Variants in CCM2 observed in about 807,000 individuals in gnomAD.
CCM2 encodes cerebral cavernous malformations 2 protein.
In CCM2, 25 loss-of-function variants were observed where a neutral mutation model predicts 44.9. The observed-to-expected ratio is 0.56, with a 90% CI of 0.41 to 0.78. CCM2 has a LOEUF of 0.78. CCM2 is among the 30% of genes least tolerant of loss of function. CCM2 has a pLI of 0.00. For synonymous variants in CCM2, 219 were observed against 241.1 expected (o/e 0.91, Z 0.85); for missense variants, 481 against 580.6 (o/e 0.83, Z 1.76).
chr7:45,059,516 G>A (rs1478639492), intron 2 of CCM2, among the ~76,000 whole-genome samples: 4 of 152,064 alleles, frequency 2.6e-5, no homozygotes, highest in African/African-American at 4.8e-5. Context: ...AGGCCGAGGC[G>A]GGCGGATTGA....
chr7:45,010,310 C>T (rs1796017540), intron 1 of CCM2, among the ~76,000 whole-genome samples: 1 of 152,202 alleles, frequency 6.6e-6, no homozygotes, highest in African/African-American at 2.4e-5. Flanking sequence ...TACCTACCAT[C>T]ACTGAGAAAA....
chr7:45,049,042 A>G (rs1486519311), intron 2 of CCM2, among the ~76,000 whole-genome samples: 2 of 152,162 alleles, frequency 1.3e-5, no homozygotes, highest in Non-Finnish European at 1.5e-5. Flanking sequence ...TGCAGCTTCA[A>G]CTTCCCTGGG....
intron 6 of CCM2, chr7:45,071,222 T>C (rs1185335184): frequency 6.6e-6 from 1 of 152,510 alleles, no homozygotes; most frequent in African/African-American, 2.4e-5. Context: ...GAGCTGTAAT[T>C]AAACATTCAG....
chr7:45,006,215 GCACCTTCTC>G (rs1718506224), intron 1 of CCM2, among the ~76,000 whole-genome samples: 1 of 152,144 alleles, frequency 6.6e-6, no homozygotes, highest in South Asian at 2.1e-4. Context: ...AGTTTCATGT[GCACCTTCTC>G]CTCATTCCTG....
At chr7:45,023,787 G>GTTTTTTTTTTTTTTT (rs10596429) in intron 1 of CCM2, among the ~76,000 whole-genome samples, 11 of 58,614 alleles carry the variant, frequency 1.9e-4, no homozygotes, top group Non-Finnish European at 2.7e-4. Flanking sequence ...CTCTGTATCA[G>GTTTTTTTTTTTTTTT]TTTTTTTTTT....
rs1784261920 is a variant in CCM2, at chr7:45,076,317, G to A, written c.*260G>A. 1 of 660,072 alleles carries A rather than the reference G, an allele frequency of 1.5e-6. No individual in the cohort carries two copies. Among genetic ancestry groups the A allele is most frequent in the Non-Finnish European group, 2.8e-6 (1 of 360,186 alleles). 40.9% of individuals were successfully genotyped at this position (660,072 alleles called of 1,614,324 possible). A position where few individuals can be genotyped will look rare whatever the true frequency, so the allele number is the denominator to read the frequency against. On this transcript the variant is annotated 3_prime_UTR_variant, in exon 10 of 10. Coordinates refer to ENST00000258781, the MANE Select transcript of CCM2 (RefSeq NM_031443.4). The stretch of plus-strand genomic sequence containing the variant: ...GCCCTGCAGTGTGTCCCCGCTCGGG[G>A]AGGGCCCGGCCGAGCGGGCAGGGAG...
At position 45,074,281 on chromosome 7, in the gene CCM2, G is replaced by A; in HGVS notation, c.927G>A (p.Lys309=). The A allele has an allele frequency of 6.2e-7, 1 of 1,613,626 alleles. No homozygotes were observed. The highest frequency in any genetic ancestry group is 8.5e-7 in the Non-Finnish European group (1 of 1,180,024). ...CTGCTCTCTTGCAGCTGCGCACCAA[G>A]CTGTCATCACAGGAGATCCAGCAGT... is the stretch of plus-strand genomic sequence containing the variant. ...LQDYMLTLRT[K]LSSQEIQQFA... is the part of the protein sequence containing the mutation. Residue 309 remains lysine (K), a synonymous_variant, in exon 9 of 10, where the codon AAG becomes AAA. Coordinates refer to ENST00000258781, the MANE Select transcript of CCM2 (RefSeq NM_031443.4).
At chr7:45,069,425 T>G (rs1004565613) in intron 5 of CCM2, among the ~76,000 whole-genome samples, 1 of 152,204 alleles carries the variant, frequency 6.6e-6, no homozygotes, top group African/African-American at 2.4e-5. Flanking sequence ...ATAAAACTGT[T>G]TTATAGCTGT....
At chr7:45,030,853 A>AGCTGG (rs1401274166) in intron 1 of CCM2, among the ~76,000 whole-genome samples, 1 of 152,058 alleles carries the variant, frequency 6.6e-6, no homozygotes, top group Non-Finnish European at 1.5e-5. Context: ...CCTCCCGAGT[A>AGCTGG]GCTGGGACTA....
At chr7:45,005,316 T>C (rs1282782289) in intron 1 of CCM2, among the ~76,000 whole-genome samples, 1 of 152,246 alleles carries the variant, frequency 6.6e-6, no homozygotes, top group Non-Finnish European at 1.5e-5. Flanking sequence ...TTTCAACATA[T>C]TGTCAGATTC....
At chr7:45,023,787 G>GTTTTTTTTTTTTTTTTTT (rs10596429) in intron 1 of CCM2, among the ~76,000 whole-genome samples, 2 of 58,614 alleles carry the variant, frequency 3.4e-5, no homozygotes, top group Non-Finnish European at 5.9e-5. Context: ...CTCTGTATCA[G>GTTTTTTTTTTTTTTTTTT]TTTTTTTTTT....
rs1000120007 is a variant in CCM2, at chr7:45,075,818, G to C, written c.1096G>C (p.Glu366Gln). The C allele has an allele frequency of 1.9e-6, 3 of 1,613,752 alleles. No individual in the cohort carries two copies. The highest frequency in any genetic ancestry group is 2.5e-6 in the Non-Finnish European group (3 of 1,180,014). Residue 366 changes from glutamate (E) to glutamine (Q), a missense_variant, in exon 10 of 10, where the codon GAG becomes CAG. Coordinates refer to ENST00000258781, the MANE Select transcript of CCM2 (RefSeq NM_031443.4). ...FIPEKDSQHF[E>Q]NFLETIGVKD... ...CCCTGAGAAGGACAGCCAGCACTTCGAGAACTTCCTGGAGACCATTGGCGT... is the reference window on the plus strand; with the variant it reads ...CCCTGAGAAGGACAGCCAGCACTTCCAGAACTTCCTGGAGACCATTGGCGT...
At chr7:45,075,672 A>G in intron 9 of CCM2, 105 bp from the exon 10 acceptor site, 1 of 1,417,612 alleles carries the variant, frequency 7.1e-7, no homozygotes, top group South Asian at 1.2e-5. Context: ...AAGGCCATGC[A>G]CCAGGGGCAG....
chr7:45,031,816 C>T (rs1796982932), intron 1 of CCM2, among the ~76,000 whole-genome samples: 1 of 152,166 alleles, frequency 6.6e-6, no homozygotes, highest in Non-Finnish European at 1.5e-5. Context: ...TAGTGATCCT[C>T]CCATCTTGGC....
intron 7 of CCM2, 144 bp from the exon 8 acceptor site, chr7:45,073,316 C>T (rs1799174191): frequency 1.5e-6 from 1 of 676,098 alleles, no homozygotes; most frequent in South Asian, 1.7e-5. Flanking sequence ...CCAGTCAGCT[C>T]TCCTCTCATC....
intron 2 of CCM2, among the ~76,000 whole-genome samples, chr7:45,053,224 T>C (rs1231699054): frequency 1.3e-5 from 2 of 152,218 alleles, no homozygotes; most frequent in Non-Finnish European, 2.9e-5. Context: ...CCCAGGTGAA[T>C]GAAGTCCCTT....
intron 1 of CCM2, among the ~76,000 whole-genome samples, chr7:45,022,967 C>T (rs928169601): frequency 6.6e-6 from 1 of 150,986 alleles, no homozygotes; most frequent in Non-Finnish European, 1.5e-5. Flanking sequence ...TCTCGAACTC[C>T]TGAGCTCAAG....
chr7:45,028,321 A>C (rs1364931725), intron 1 of CCM2, among the ~76,000 whole-genome samples: 1 of 152,164 alleles, frequency 6.6e-6, no homozygotes, highest in Non-Finnish European at 1.5e-5. Flanking sequence ...TTTCTCACTG[A>C]AGCAAACAGG....
chr7:45,007,392 TTCAA>T (rs1176124929), intron 1 of CCM2, among the ~76,000 whole-genome samples: 1 of 152,230 alleles, frequency 6.6e-6, no homozygotes, highest in Non-Finnish European at 1.5e-5. Context: ...TTTTTTATCT[TTCAA>T]TCAAGAACAG....
Sources: gnomAD v4.1 joint callset for allele counts (sites outside exome capture counted in the v4.1 genomes callset) on GRCh38, gnomAD v4.1.1 for gene constraint, MANE v1.5 for transcripts, NCBI Gene and HGNC (gene_info 2026-07-23, HGNC 2026-07-21) for gene names.